The following MYO16 variants were observed in gnomAD, a reference collection of about 807,000 sequenced individuals.
MYO16 encodes myosin XVI, also known as unconventional myosin-XVI.
MYO16 carries 94 observed loss-of-function variants against 205.3 expected under a neutral mutation model. The ratio of observed to expected loss-of-function variants is 0.46; its 90% CI spans 0.39 to 0.54. MYO16 has a LOEUF of 0.54. Ranked by LOEUF, MYO16 falls within the 20% of genes least tolerant of loss-of-function variation. MYO16 has a pLI of 0.00. For synonymous variants in MYO16, 988 were observed against 954.0 expected (o/e 1.04, Z -0.66); for missense variants, 2,315 against 2,387.5 (o/e 0.97, Z 0.63).
At chr13:108,770,940 A>G (rs1477633536) in intron 4 of MYO16, among the ~76,000 whole-genome samples, 1 of 152,226 alleles carries the variant, frequency 6.6e-6, no homozygotes, top group Non-Finnish European at 1.5e-5. Flanking sequence ...GCTAGTGGAA[A>G]TGATGAGGTT....
chr13:109,168,654 G>A (rs953339140), intron 33 of MYO16, among the ~76,000 whole-genome samples: 32 of 152,164 alleles, frequency 2.1e-4, no homozygotes, highest in Admixed American at 5.2e-4. Context: ...GAACCCAGGA[G>A]GCGGAGTTTG....
the MYO16 span, among the ~76,000 whole-genome samples, chr13:108,581,571 T>C: frequency 2.0e-5 from 3 of 152,070 alleles, no homozygotes; most frequent in African/African-American, 7.2e-5. Context: ...TCTCATTGGA[T>C]AGCCCTAGGC....
At chr13:108,548,829 C>A in the MYO16 span, among the ~76,000 whole-genome samples, 2 of 152,014 alleles carry the variant, frequency 1.3e-5, no homozygotes, top group African/African-American at 2.4e-5. Flanking sequence ...TTGTAACTAG[C>A]CTTACTAGTA....
At chr13:108,745,305 A>C (rs1382370843) in intron 4 of MYO16, among the ~76,000 whole-genome samples, 1 of 152,184 alleles carries the variant, frequency 6.6e-6, no homozygotes, top group Admixed American at 6.5e-5. Flanking sequence ...CCTGGGGGCC[A>C]CAGTCTTAGG....
chr13:108,703,929 G>A (rs774868602), intron 2 of MYO16, among the ~76,000 whole-genome samples: 15 of 152,156 alleles, frequency 9.9e-5, no homozygotes, highest in Non-Finnish European at 1.8e-4. Flanking sequence ...TCATTAAGGT[G>A]GGCTCAAATC....
rs574631673 is a variant in MYO16, at chr13:108,971,277, A to G, written c.2369+6375A>G. Among the ~76,000 whole-genome samples the G allele has an allele frequency of 2.0e-3, 302 of 151,746 alleles. 1 individual carries two copies. The highest frequency in any genetic ancestry group is 7.0e-3 in the African/African-American group (290 of 41,426). On this transcript the variant is annotated intron_variant, in intron 20 of 34. Transcript: ENST00000457511. Reference sequence around the variant, plus strand: ...TATAGAAACTTTGGAGTGTTCTCCAAATGCCTTCAAACATCAAAACCTATC... The same window carrying G: ...TATAGAAACTTTGGAGTGTTCTCCAGATGCCTTCAAACATCAAAACCTATC...
At chr13:109,202,217 C>T (rs1179074495) in intron 34 of MYO16, among the ~76,000 whole-genome samples, 2 of 123,504 alleles carry the variant, frequency 1.6e-5, no homozygotes, top group South Asian at 4.8e-4. Flanking sequence ...TGGGTAGATA[C>T]TCAGTAGTGG....
In MYO16 at chr13:109,086,279, C is replaced by A. The variant is rs1236735744; in HGVS notation, c.3336-14506C>A. Among the ~76,000 whole-genome samples, 4 of 152,172 alleles carry A rather than the reference C, an allele frequency of 2.6e-5. No individual in the cohort carries two copies. In the East Asian group the frequency reaches 7.7e-4, roughly 29 times the overall value. ...CCAGCATTCTGTTCAAAGCATACTCCCAGACAGTATTCTCTGCTTCACTGT... is the reference window on the plus strand; with the variant it reads ...CCAGCATTCTGTTCAAAGCATACTCACAGACAGTATTCTCTGCTTCACTGT... On this transcript the variant is annotated intron_variant, in intron 27 of 34. Transcript: ENST00000457511.
At chr13:109,131,127 C>T (rs889801616) in intron 31 of MYO16, among the ~76,000 whole-genome samples, 3 of 152,084 alleles carry the variant, frequency 2.0e-5, no homozygotes, top group East Asian at 1.9e-4. Context: ...ACCTTGGTTT[C>T]GCAGGATCAA....
chr13:109,022,639 G>A (rs1247234883), intron 23 of MYO16, among the ~76,000 whole-genome samples: 7 of 123,592 alleles, frequency 5.7e-5, no homozygotes, highest in Non-Finnish European at 9.4e-5. Flanking sequence ...TTATATATAT[G>A]CATATAAACA....
chr13:108,918,605 A>G (rs1226366633), intron 16 of MYO16, among the ~76,000 whole-genome samples: 1 of 152,194 alleles, frequency 6.6e-6, no homozygotes, highest in East Asian at 1.9e-4. Flanking sequence ...ACTGACTGCT[A>G]ATGCTGTTTG....
the MYO16 span, among the ~76,000 whole-genome samples, chr13:108,527,074 G>C: frequency 6.6e-6 from 1 of 152,174 alleles, no homozygotes; most frequent in East Asian, 1.9e-4. Context: ...ATTATCATGA[G>C]GTTGGTGGAT....
chr13:108,857,730 G>A (rs558721815), intron 11 of MYO16, among the ~76,000 whole-genome samples: 2 of 152,216 alleles, frequency 1.3e-5, no homozygotes, highest in Admixed American at 6.5e-5. Flanking sequence ...AGTTCGTTAT[G>A]TGAGTTTTTC....
At chr13:108,871,083 G>T (rs760014346) in intron 12 of MYO16, among the ~76,000 whole-genome samples, 1 of 151,890 alleles carries the variant, frequency 6.6e-6, no homozygotes, top group Non-Finnish European at 1.5e-5. Context: ...TAATTGCTTG[G>T]CCATATTTTA....
At chr13:108,611,858 A>G (rs921807225) in intron 1 of MYO16, among the ~76,000 whole-genome samples, 1 of 152,158 alleles carries the variant, frequency 6.6e-6, no homozygotes, top group African/African-American at 2.4e-5. Flanking sequence ...CTTATTTTTA[A>G]AAATAGGCAA....
chr13:108,998,868 G>A (rs926046632), intron 21 of MYO16, among the ~76,000 whole-genome samples: 9 of 152,132 alleles, frequency 5.9e-5, no homozygotes, highest in African/African-American at 1.7e-4. Flanking sequence ...GGGCTTTCTC[G>A]CAGTTTGTTG....
In MYO16 at chr13:108,696,353, T is replaced by C. The variant is rs149175186; in HGVS notation, c.293-16308T>C. Among the ~76,000 whole-genome samples the C allele has an allele frequency of 8.4e-3, 1,275 of 152,220 alleles. 25 individuals are homozygous for C. Among genetic ancestry groups the C allele is most frequent in the African/African-American group, 0.029 (1,217 of 41,538 alleles). ...AACACAAATGTCTACCAATGGGGAA[T>C]TGGATGCACAAAGTATGGTATACTT... On this transcript the variant is annotated intron_variant, in intron 2 of 34. Transcript: ENST00000457511.
chr13:108,600,870 A>T (rs554518083), intron 1 of MYO16, among the ~76,000 whole-genome samples: 15 of 152,184 alleles, frequency 9.9e-5, no homozygotes, highest in Non-Finnish European at 2.2e-4. Context: ...TTAAAAGTAA[A>T]TAAGCTTTTC....
intron 27 of MYO16, among the ~76,000 whole-genome samples, chr13:109,090,372 G>A (rs1281126539): frequency 1.3e-5 from 2 of 152,214 alleles, no homozygotes; most frequent in East Asian, 1.9e-4. Context: ...TACGCAGGGC[G>A]GGGTCATGGG....
Sources: gnomAD v4.1 joint callset for allele counts (sites outside exome capture counted in the v4.1 genomes callset) on GRCh38, gnomAD v4.1.1 for gene constraint, MANE v1.5 for transcripts, NCBI Gene and HGNC (gene_info 2026-07-23, HGNC 2026-07-21) for gene names.